The following CRADD variants were observed in gnomAD, a reference collection of about 807,000 sequenced individuals.
CRADD encodes the protein CARD and death domain containing adaptor protein.
CRADD carries 9 observed loss-of-function variants against 15.5 expected under a neutral mutation model. The ratio of observed to expected loss-of-function variants is 0.58; its 90% CI spans 0.35 to 1.01. The LOEUF (loss-of-function observed/expected upper bound fraction) is 1.01, where lower values mean the gene tolerates loss of function less well. Among genes scored for constraint, CRADD ranks in the 50% least tolerant of loss-of-function variants. CRADD has a pLI of 0.02. For missense variants in CRADD, 227 were observed against 250.3 expected, an observed-to-expected ratio of 0.91 and a Z score of 0.63; for synonymous variants, 118 against 107.6, an observed-to-expected ratio of 1.10 and a Z score of -0.60.
intron 2 of CRADD, among the ~76,000 whole-genome samples, chr12:93,814,323 G>A (rs1434473181): frequency 6.6e-6 from 1 of 152,132 alleles, no homozygotes; most frequent in Non-Finnish European, 1.5e-5. Context: ...TTGTGGGGGC[G>A]GGGGAGGTGG....
intron 2 of CRADD, chr12:93,707,950 G>C (rs1284191959): frequency 1.3e-5 from 2 of 152,178 alleles, no homozygotes; most frequent in Non-Finnish European, 2.9e-5. Flanking sequence ...TTGATGGATG[G>C]AGACTCTAAA....
intron 2 of CRADD, among the ~76,000 whole-genome samples, chr12:93,883,216 A>G (rs1001670368): frequency 6.6e-6 from 1 of 152,232 alleles, no homozygotes; most frequent in Admixed American, 6.5e-5. Flanking sequence ...AAAAACCCAT[A>G]TTTAAGTCCA....
At position 93,803,460 on chromosome 12, in the gene CRADD, AT is replaced by A. The variant is rs566593873; in HGVS notation, c.299-46509del. ...GTATTGTTTGTGAGCAAGAAAAAAA[AT>A]ATCTACTGTAGTTGAGGCCATCTTA... On this transcript the variant is annotated intron_variant, in intron 2 of 2. Coordinates refer to ENST00000332896, the MANE Select transcript of CRADD (RefSeq NM_003805.5). Among the ~76,000 whole-genome samples, 25 of 152,274 alleles carry A rather than the reference AT, an allele frequency of 1.6e-4. 1 individual carries two copies. In the South Asian group the frequency reaches 4.6e-3, roughly 28 times the overall value.
At chr12:93,773,112 G>A (rs1957101663) in intron 2 of CRADD, among the ~76,000 whole-genome samples, 1 of 152,154 alleles carries the variant, frequency 6.6e-6, no homozygotes, top group Non-Finnish European at 1.5e-5. Context: ...ATATTTACCA[G>A]TCAGGTTGTT....
At chr12:93,794,555 A>G (rs995801702) in intron 2 of CRADD, among the ~76,000 whole-genome samples, 32 of 152,080 alleles carry the variant, frequency 2.1e-4, no homozygotes, top group Admixed American at 1.8e-3. Flanking sequence ...ACCTGAATTC[A>G]TCTACTTTCC....
intron 2 of CRADD, among the ~76,000 whole-genome samples, chr12:93,790,333 GA>G: frequency 1.3e-5 from 2 of 151,986 alleles, no homozygotes; most frequent in Non-Finnish European, 2.9e-5. Context: ...AGGGGGAAGG[GA>G]TAGCTTTAGG....
chr12:93,753,359 C>T (rs1361388058), intron 2 of CRADD, among the ~76,000 whole-genome samples: 1 of 152,166 alleles, frequency 6.6e-6, no homozygotes, highest in South Asian at 2.1e-4. Flanking sequence ...CAAACCATAT[C>T]ATTCCACCCC....
intron 2 of CRADD, among the ~76,000 whole-genome samples, chr12:93,810,459 G>T (rs928810854): frequency 6.7e-6 from 1 of 148,356 alleles, no homozygotes; most frequent in African/African-American, 2.5e-5. Flanking sequence ...GCTGAGGCAG[G>T]AGAATCGCTT....
chr12:93,836,289 T>C (rs989480316), intron 2 of CRADD: 2 of 152,214 alleles, frequency 1.3e-5, no homozygotes, highest in Non-Finnish European at 2.9e-5. Flanking sequence ...TTGATAGAGC[T>C]TCAGGAAGGT....
chr12:93,733,890 C>T (rs1002855174), intron 2 of CRADD, among the ~76,000 whole-genome samples: 8 of 152,036 alleles, frequency 5.3e-5, no homozygotes, highest in Admixed American at 4.6e-4. Context: ...CATGCGCTAC[C>T]ACACCCTGCT....
chr12:93,873,800 GA>G (rs1226559740), intron 2 of CRADD, among the ~76,000 whole-genome samples: 1 of 152,024 alleles, frequency 6.6e-6, no homozygotes, highest in African/African-American at 2.4e-5. Context: ...ATGTATTGTT[GA>G]ATTCGATTTG....
chr12:93,863,443 C>G (rs1004108318), intron 2 of CRADD, among the ~76,000 whole-genome samples: 6 of 152,160 alleles, frequency 3.9e-5, no homozygotes, highest in African/African-American at 1.4e-4. Flanking sequence ...TCCCTTCATT[C>G]TACTTCAAAA....
Position 93,875,289 on chromosome 12 carries a change from CT to C in CRADD, c.299-18758del, listed in dbSNP as rs1958450429. On this transcript the variant is annotated intron_variant, in intron 2 of 2. Transcript: ENST00000548483. The stretch of plus-strand genomic sequence containing the variant: ...CCTTTTATTTTCAGTCTATGTGTGT[CT>C]TTAGAGGTGAAGTGTGTTTCTTGTA... 4.6e-5 allele frequency among the ~76,000 whole-genome samples: 7 copies of C among 151,722 alleles called. No individual in the cohort carries two copies. In the South Asian group the frequency reaches 1.5e-3, roughly 32 times the overall value.
At chr12:93,757,211 T>G (rs1027521609) in intron 2 of CRADD, among the ~76,000 whole-genome samples, 1 of 152,204 alleles carries the variant, frequency 6.6e-6, no homozygotes, top group Non-Finnish European at 1.5e-5. Context: ...GTAGTACACT[T>G]AGAGTCTACT....
At chr12:93,679,195 G>A in intron 2 of CRADD, 123 bp downstream of exon 2, 1 of 749,650 alleles carries the variant, frequency 1.3e-6, no homozygotes, top group Admixed American at 2.8e-5. Context: ...AGGCTGGAGT[G>A]CAATGGTGTG....
rs140890044 is a variant in CRADD at position 93,704,912 on chromosome 12, G to T, written c.298+25840G>T. Among the ~76,000 whole-genome samples the T allele has an allele frequency of 5.0e-3, 759 of 152,286 alleles. 3 individuals are homozygous for T. Among genetic ancestry groups the T allele is most frequent in the African/African-American group, 0.017 (695 of 41,554 alleles). The stretch of plus-strand genomic sequence containing the variant: ...CCTGGTGTGCCCTGCTCCCAGTTTT[G>T]CTCTAATAAGTGGCTCCCTCTGGTA... On this transcript the variant is annotated intron_variant, in intron 2 of 2. Transcript: ENST00000332896.
At position 93,879,674 on chromosome 12, in the gene CRADD, T is replaced by A. The variant is rs1958481271; in HGVS notation, c.299-14376T>A. ...TCACACCTGTCCCAGGTTGTGTCTT[T>A]CCTTAATTAACAGTTCAATAATAAC... On this transcript the variant is annotated intron_variant, in intron 2 of 2. Coordinates refer to the CRADD transcript ENST00000548483. Among the ~76,000 whole-genome samples, 4 of 152,298 alleles carry A rather than the reference T, an allele frequency of 2.6e-5. No homozygotes were observed. The South Asian group carries it at 8.3e-4, about 32-fold the overall frequency.
At chr12:93,805,504 T>C (rs1384811927) in intron 2 of CRADD, among the ~76,000 whole-genome samples, 2 of 151,922 alleles carry the variant, frequency 1.3e-5, no homozygotes, top group East Asian at 3.9e-4. Flanking sequence ...TCCGAGCCTG[T>C]TTCCTCAACT....
At chr12:93,831,355 T>C (rs1467449770) in intron 2 of CRADD, 1 of 152,190 alleles carries the variant, frequency 6.6e-6, no homozygotes, top group Non-Finnish European at 1.5e-5. Context: ...CTGGGCAACA[T>C]AGCAAGACCA....
Sources: allele counts gnomAD v4.1 joint callset (sites outside exome capture counted in the v4.1 genomes callset), GRCh38; gene constraint gnomAD v4.1.1; transcripts MANE v1.5; gene names NCBI Gene and HGNC (gene_info 2026-07-23, HGNC 2026-07-21).